Variants in VPS13B observed in about 807,000 individuals in gnomAD.
VPS13B encodes intermembrane lipid transfer protein VPS13B.
Under a neutral mutation model 426.4 loss-of-function variants are expected in VPS13B, and 285 were observed. The observed-to-expected ratio is 0.67, with a 90% CI of 0.61 to 0.74. VPS13B has a LOEUF of 0.74. Among genes scored for constraint, VPS13B ranks in the 30% least tolerant of loss-of-function variants. The pLI is 0.00. For missense variants in VPS13B, 4,537 were observed against 4,782.6 expected, an observed-to-expected ratio of 0.95 and a Z score of 1.51; for synonymous variants, 1,676 against 1,676.4, an observed-to-expected ratio of 1.00 and a Z score of 0.01.
chr8:99,351,431 AGAGAGTGTGTGTGTGTGT>A (rs1360060232), intron 19 of VPS13B, among the ~76,000 whole-genome samples: 9 of 147,524 alleles, frequency 6.1e-5, no homozygotes, highest in African/African-American at 7.6e-5. Flanking sequence ...AGAGAGAGAG[AGAGAGTGTGTGTGTGTGT>A]GTGTGTGTGT....
chr8:99,114,404 T>C (rs1847541392), intron 6 of VPS13B, among the ~76,000 whole-genome samples: 1 of 152,226 alleles, frequency 6.6e-6, no homozygotes, highest in Admixed American at 6.5e-5. Flanking sequence ...TCAGGTTCTT[T>C]ATCCATTTTT....
intron 52 of VPS13B, among the ~76,000 whole-genome samples, chr8:99,833,228 C>T (rs1009130622): frequency 1.3e-5 from 2 of 152,158 alleles, no homozygotes; most frequent in African/African-American, 2.4e-5. Context: ...CAAATAACAA[C>T]CACAGACTCA....
At chr8:99,752,916 G>T (rs1810469545) in intron 39 of VPS13B, among the ~76,000 whole-genome samples, 1 of 152,108 alleles carries the variant, frequency 6.6e-6, no homozygotes, top group African/African-American at 2.4e-5. Context: ...TTATATTTTT[G>T]AAAACCATGA....
At chr8:99,467,139 C>G (rs919856505) in intron 23 of VPS13B, among the ~76,000 whole-genome samples, 1 of 152,120 alleles carries the variant, frequency 6.6e-6, no homozygotes, top group East Asian at 1.9e-4. Context: ...ATACAACCAA[C>G]TAGGGTAAGG....
intron 3 of VPS13B, among the ~76,000 whole-genome samples, chr8:99,063,625 T>A (rs1022647345): frequency 1.3e-5 from 2 of 152,178 alleles, no homozygotes; most frequent in Non-Finnish European, 2.9e-5. Flanking sequence ...CCTCATAGAC[T>A]CCACCTCTGG....
intron 41 of VPS13B, among the ~76,000 whole-genome samples, chr8:99,777,932 T>C (rs1179967120): frequency 6.6e-6 from 1 of 152,022 alleles, no homozygotes; most frequent in Non-Finnish European, 1.5e-5. Flanking sequence ...GAAAATCAGA[T>C]TAAAACCAAA....
intron 44 of VPS13B, among the ~76,000 whole-genome samples, chr8:99,812,532 C>G (rs919784451): frequency 6.6e-6 from 1 of 152,194 alleles, no homozygotes; most frequent in African/African-American, 2.4e-5. Context: ...GGCTAAAGCT[C>G]TTTTCTTAAC....
intron 22 of VPS13B, among the ~76,000 whole-genome samples, chr8:99,435,598 G>C (rs1428846476): frequency 1.3e-5 from 2 of 152,064 alleles, no homozygotes; most frequent in African/African-American, 4.8e-5. Context: ...TTCACTGCCT[G>C]AAATAACCAA....
At chr8:99,366,070 C>T (rs185104060) in intron 19 of VPS13B, among the ~76,000 whole-genome samples, 1 of 151,744 alleles carries the variant, frequency 6.6e-6, no homozygotes, top group Non-Finnish European at 1.5e-5. Flanking sequence ...TGTATTCTGT[C>T]GCCATTGAAT....
chr8:99,568,122 A>C (rs1344572158), intron 31 of VPS13B, among the ~76,000 whole-genome samples: 1 of 152,034 alleles, frequency 6.6e-6, no homozygotes, highest in Non-Finnish European at 1.5e-5. Flanking sequence ...GGGAGGAAAG[A>C]AGTAATAGCA....
intron 15 of VPS13B, among the ~76,000 whole-genome samples, chr8:99,159,428 CAT>C (rs1811525321): frequency 6.6e-6 from 1 of 152,098 alleles, no homozygotes; most frequent in Non-Finnish European, 1.5e-5. Context: ...GTTAAAATGC[CAT>C]CAAACCTCAA....
intron 58 of VPS13B, among the ~76,000 whole-genome samples, chr8:99,863,844 GATT>G (rs998514437): frequency 2.6e-5 from 4 of 152,156 alleles, no homozygotes; most frequent in African/African-American, 4.8e-5. Context: ...ATTTCCAGAA[GATT>G]ATTAATTCTT....
intron 16 of VPS13B, among the ~76,000 whole-genome samples, chr8:99,172,082 T>C (rs1812372531): frequency 6.6e-6 from 1 of 152,174 alleles, no homozygotes; most frequent in South Asian, 2.1e-4. Context: ...TGAGCAATGA[T>C]ATCTAAATGT....
rs547111288 is a variant in VPS13B at position 99,721,082 on chromosome 8, T to C, written c.7050+35T>C. 3.1e-6 allele frequency: 5 copies of C among 1,607,784 alleles called. No homozygotes were observed. The African/African-American group carries it at 4.0e-5, about 13-fold the overall frequency. ...GACCATTCATTGTAAAATGAAAACA[T>C]TGTGGGAAAGGGCTGATCATATATT... On this transcript the variant is annotated intron_variant, in intron 39 of 61. Transcript: ENST00000357162.
intron 34 of VPS13B, among the ~76,000 whole-genome samples, chr8:99,648,753 T>C (rs72676222): frequency 0.21 from 31,724 of 152,078 alleles, 3,986 homozygotes; most frequent in East Asian, 0.45. Flanking sequence ...AGTAATCTTA[T>C]ATATTTTAAA....
intron 31 of VPS13B, among the ~76,000 whole-genome samples, chr8:99,562,799 C>A (rs1388840178): frequency 6.6e-6 from 1 of 152,052 alleles, no homozygotes; most frequent in Non-Finnish European, 1.5e-5. Context: ...ACTAGTCTTT[C>A]CCCATTGAAT....
At chr8:99,425,234 A>G (rs1487509829) in intron 21 of VPS13B, among the ~76,000 whole-genome samples, 2 of 152,208 alleles carry the variant, frequency 1.3e-5, no homozygotes, top group African/African-American at 4.8e-5. Flanking sequence ...CATCATCCTG[A>G]TACCAAAGCC....
intron 56 of VPS13B, among the ~76,000 whole-genome samples, chr8:99,855,521 GAAC>G (rs1816502006): frequency 6.6e-6 from 1 of 152,108 alleles, no homozygotes; most frequent in African/African-American, 2.4e-5. Context: ...TTCAAGCAAA[GAAC>G]AGCATCCAGA....
At chr8:99,849,909 GTACA>G (rs201281512) in intron 55 of VPS13B, among the ~76,000 whole-genome samples, 1,741 of 149,878 alleles carry the variant, frequency 0.012, 32 homozygotes, top group African/African-American at 0.04. Flanking sequence ...TGTGTTATCT[GTACA>G]TACATACATA....
Sources: allele counts gnomAD v4.1 joint callset (sites outside exome capture counted in the v4.1 genomes callset), GRCh38; gene constraint gnomAD v4.1.1; transcripts MANE v1.5; gene names NCBI Gene and HGNC (gene_info 2026-07-23, HGNC 2026-07-21).